AUH: variants seen among roughly 807,000 people sequenced by gnomAD.
AUH encodes the protein AU RNA binding methylglutaconyl-CoA hydratase.
Under a neutral mutation model 42.3 loss-of-function variants are expected in AUH, and 29 were observed. The observed-to-expected ratio is 0.69, with a 90% CI of 0.51 to 0.93. AUH has a LOEUF of 0.93. Among genes scored for constraint, AUH ranks in the 40% least tolerant of loss-of-function variants. The probability of loss-of-function intolerance (pLI) is 0.00; values close to 1 mark genes in which losing one functional copy is unlikely to be tolerated. For synonymous variants in AUH, 174 were observed against 166.4 expected (o/e 1.05, Z -0.35); for missense variants, 452 against 438.1 (o/e 1.03, Z -0.28).
intron 4 of AUH, among the ~76,000 whole-genome samples, chr9:91,304,343 C>A (rs1457083027): frequency 6.6e-6 from 1 of 152,134 alleles, no homozygotes; most frequent in Non-Finnish European, 1.5e-5. Flanking sequence ...AGAAAAACTG[C>A]CTAGAAACAG....
At chr9:91,271,165 ATTTG>A (rs992608753) in intron 6 of AUH, among the ~76,000 whole-genome samples, 4 of 152,270 alleles carry the variant, frequency 2.6e-5, no homozygotes, top group African/African-American at 9.6e-5. Flanking sequence ...CTAAAAGGAC[ATTTG>A]TTTGTTTGCT....
intron 6 of AUH, among the ~76,000 whole-genome samples, chr9:91,278,670 T>C (rs1034642265): frequency 5.9e-5 from 9 of 152,196 alleles, no homozygotes; most frequent in Non-Finnish European, 8.8e-5. Flanking sequence ...AACTGAAGAA[T>C]AGTGCATTTA....
chr9:91,244,295 A>G (rs990362230), intron 6 of AUH, among the ~76,000 whole-genome samples: 19 of 152,240 alleles, frequency 1.2e-4, no homozygotes, highest in Admixed American at 6.5e-5. Flanking sequence ...GTATAGTATT[A>G]ATAGAATATC....
intron 6 of AUH, among the ~76,000 whole-genome samples, chr9:91,261,733 G>C (rs1829717566): frequency 6.6e-6 from 1 of 152,146 alleles, no homozygotes. Context: ...AGTGATTTTA[G>C]GACTTCCCTT....
intron 3 of AUH, among the ~76,000 whole-genome samples, chr9:91,346,956 G>C (rs1446892799): frequency 6.6e-6 from 1 of 151,994 alleles, no homozygotes; most frequent in Non-Finnish European, 1.5e-5. Flanking sequence ...AGGGAGTACA[G>C]AGCTTCCATG....
At chr9:91,230,799 T>TG (rs750781916) in intron 6 of AUH, among the ~76,000 whole-genome samples, 33 of 152,170 alleles carry the variant, frequency 2.2e-4, no homozygotes, top group Non-Finnish European at 4.4e-4. Flanking sequence ...GCAGGTCTGT[T>TG]GGAGAACCCT....
chr9:91,337,038 T>C (rs1393477709), intron 3 of AUH, among the ~76,000 whole-genome samples: 1 of 152,184 alleles, frequency 6.6e-6, no homozygotes, highest in African/African-American at 2.4e-5. Flanking sequence ...TTACAAGCTG[T>C]ATCAAGTAAA....
At chr9:91,291,619 A>G (rs761652495) in intron 6 of AUH, among the ~76,000 whole-genome samples, 28 of 152,228 alleles carry the variant, frequency 1.8e-4, no homozygotes, top group Admixed American at 5.9e-4. Flanking sequence ...ATTTTCATCA[A>G]TTACCAAAGT....
At chr9:91,243,433 G>T (rs1828623820) in intron 6 of AUH, among the ~76,000 whole-genome samples, 1 of 152,250 alleles carries the variant, frequency 6.6e-6, no homozygotes, top group African/African-American at 2.4e-5. Context: ...GTCAGCTCCG[G>T]TTGGGCAGGT....
chr9:91,217,381 C>A, intron 7 of AUH, 54 bp from the exon 8 acceptor site: 1 of 1,548,372 alleles, frequency 6.5e-7, no homozygotes, highest in Admixed American at 1.7e-5. Flanking sequence ...CAAATTATGT[C>A]GTATATCTCA....
At chr9:91,348,279 G>A (rs1831689616) in intron 3 of AUH, among the ~76,000 whole-genome samples, 1 of 152,208 alleles carries the variant, frequency 6.6e-6, no homozygotes, top group South Asian at 2.1e-4. Context: ...TGGTAAGCAT[G>A]TGGAACGCCT....
chr9:91,245,040 C>T (rs1185970200), intron 6 of AUH, among the ~76,000 whole-genome samples: 1 of 152,118 alleles, frequency 6.6e-6, no homozygotes, highest in Non-Finnish European at 1.5e-5. Context: ...CCTCTTTGAA[C>T]TCAATCAGAG....
intron 6 of AUH, among the ~76,000 whole-genome samples, chr9:91,278,719 G>C (rs1429577878): frequency 6.6e-6 from 1 of 152,130 alleles, no homozygotes; most frequent in Non-Finnish European, 1.5e-5. Context: ...TTCCAGCCAA[G>C]ATAGGGTAGC....
intron 6 of AUH, among the ~76,000 whole-genome samples, chr9:91,293,487 A>G (rs1488315974): frequency 6.6e-6 from 1 of 152,246 alleles, no homozygotes; most frequent in Admixed American, 6.5e-5. Context: ...AACTAGCCAC[A>G]ACATTCCCCT....
chr9:91,269,200 C>T (rs1824911618), intron 6 of AUH, among the ~76,000 whole-genome samples: 1 of 152,090 alleles, frequency 6.6e-6, no homozygotes, highest in Admixed American at 6.5e-5. Context: ...AGGCTGGTCT[C>T]GAACTCCTGA....
chr9:91,325,099 T>C (rs575733332), intron 4 of AUH, among the ~76,000 whole-genome samples: 1 of 152,080 alleles, frequency 6.6e-6, no homozygotes, highest in African/African-American at 2.4e-5. Context: ...AATAAATAAA[T>C]ACCTTCATAT....
At chr9:91,334,026 T>C (rs540924258) in intron 3 of AUH, among the ~76,000 whole-genome samples, 119 of 152,272 alleles carry the variant, frequency 7.8e-4, no homozygotes, top group Non-Finnish European at 1.3e-3. Flanking sequence ...ACGTTATGTA[T>C]TAGACAGACC....
At chr9:91,290,274 G>A (rs557288696) in intron 6 of AUH, among the ~76,000 whole-genome samples, 1 of 152,056 alleles carries the variant, frequency 6.6e-6, no homozygotes, top group African/African-American at 2.4e-5. Flanking sequence ...AAAATTAGCC[G>A]AGTGCAGTGC....
chr9:91,267,338 C>T (rs1830028531), intron 6 of AUH, among the ~76,000 whole-genome samples: 1 of 152,168 alleles, frequency 6.6e-6, no homozygotes. Flanking sequence ...CAGCCTGTCA[C>T]ACAATTAGTT....
Sources: allele counts gnomAD v4.1 joint callset (sites outside exome capture counted in the v4.1 genomes callset), GRCh38; gene constraint gnomAD v4.1.1; transcripts MANE v1.5; gene names NCBI Gene and HGNC (gene_info 2026-07-23, HGNC 2026-07-21).